The following CDH1 variants were observed in gnomAD, a reference collection of about 807,000 sequenced individuals.
CDH1 encodes the protein cadherin 1.
Under a neutral mutation model 84.5 loss-of-function variants are expected in CDH1, and 35 were observed. The ratio of observed to expected loss-of-function variants is 0.41; its 90% CI spans 0.32 to 0.55. CDH1 has a LOEUF of 0.55. Ranked by LOEUF, CDH1 falls within the 20% of genes least tolerant of loss-of-function variation. The pLI, the probability that CDH1 is intolerant of heterozygous loss-of-function variation, is 0.19. For missense variants in CDH1, 994 were observed against 1,126.6 expected (o/e 0.88, Z 1.68); for synonymous variants, 417 against 439.0 (o/e 0.95, Z 0.63).
chr16:68,803,636 T>G (rs577049774), intron 3 of CDH1, among the ~76,000 whole-genome samples: 1 of 152,232 alleles, frequency 6.6e-6, no homozygotes, highest in South Asian at 2.1e-4. Context: ...CCTCAAGTGA[T>G]CTGCCCACCT....
At chr16:68,740,963 A>C (rs1360744331) in intron 2 of CDH1, among the ~76,000 whole-genome samples, 1 of 151,966 alleles carries the variant, frequency 6.6e-6, no homozygotes, top group Non-Finnish European at 1.5e-5. Context: ...AAACAAAGAA[A>C]AAAGGTGTTT....
At chr16:68,807,269 A>C (rs991188678) in intron 3 of CDH1, among the ~76,000 whole-genome samples, 17 of 152,198 alleles carry the variant, frequency 1.1e-4, no homozygotes, top group African/African-American at 4.1e-4. Flanking sequence ...ATAATGATAC[A>C]GTGAGATGAA....
chr16:68,737,839 CG>C (rs1177254859), intron 1 of CDH1, among the ~76,000 whole-genome samples: 3 of 151,950 alleles, frequency 2.0e-5, no homozygotes, highest in Non-Finnish European at 2.9e-5. Context: ...GGACGATCTT[CG>C]AGGGAAGGAG....
chr16:68,804,270 C>G (rs574263238), intron 3 of CDH1, among the ~76,000 whole-genome samples: 1 of 151,844 alleles, frequency 6.6e-6, no homozygotes, highest in Admixed American at 6.6e-5. Context: ...TCCGCCACCA[C>G]GCCTGGCTTA....
chr16:68,786,808 T>C (rs1238613413), intron 2 of CDH1, among the ~76,000 whole-genome samples: 1 of 152,232 alleles, frequency 6.6e-6, no homozygotes, highest in African/African-American at 2.4e-5. Context: ...TACAGTCATC[T>C]GCAAGCACAT....
At chr16:68,759,491 T>C (rs1390945698) in intron 2 of CDH1, among the ~76,000 whole-genome samples, 12 of 146,760 alleles carry the variant, frequency 8.2e-5, no homozygotes, top group South Asian at 2.1e-4. Context: ...TTCTTTCTTT[T>C]TTTTTTTTTT....
chr16:68,757,456 ATTC>A (rs1449886950), intron 2 of CDH1, among the ~76,000 whole-genome samples: 1 of 152,134 alleles, frequency 6.6e-6, no homozygotes, highest in Non-Finnish European at 1.5e-5. Flanking sequence ...ATGATTTTTC[ATTC>A]TTCTTTCTGC....
At chr16:68,743,357 TTC>T (rs1491049319) in intron 2 of CDH1, among the ~76,000 whole-genome samples, 6 of 11,266 alleles carry the variant, frequency 5.3e-4, no homozygotes, top group Middle Eastern at 0.031. Flanking sequence ...CTTTCTTTCT[TTC>T]TTTCTTTTCT....
At chr16:68,791,654 C>T (rs1960212130) in intron 2 of CDH1, among the ~76,000 whole-genome samples, 1 of 151,930 alleles carries the variant, frequency 6.6e-6, no homozygotes, top group South Asian at 2.1e-4. Flanking sequence ...ATTCCTGGGC[C>T]CAAGTGATCC....
At chr16:68,750,883 T>G (rs558347339) in intron 2 of CDH1, among the ~76,000 whole-genome samples, 4 of 152,164 alleles carry the variant, frequency 2.6e-5, no homozygotes, top group Admixed American at 2.6e-4. Context: ...TTTAAAATTT[T>G]CTTTGGAAAA....
intron 13 of CDH1, among the ~76,000 whole-genome samples, chr16:68,827,051 A>G (rs1222528252): frequency 1.3e-5 from 2 of 152,144 alleles, no homozygotes; most frequent in Admixed American, 1.3e-4. Flanking sequence ...TGGGTGGATC[A>G]CTTGAGGTCA....
chr16:68,797,412 G>C (rs946522394), intron 2 of CDH1, among the ~76,000 whole-genome samples: 2 of 151,856 alleles, frequency 1.3e-5, no homozygotes, highest in Non-Finnish European at 2.9e-5. Context: ...GCTGGGCTCA[G>C]TCATTCACTT....
At chr16:68,810,375 AAG>A (rs779510276) in intron 6 of CDH1, 34 bp downstream of exon 6, 3 of 1,605,360 alleles carry the variant, frequency 1.9e-6, no homozygotes, top group Non-Finnish European at 2.6e-6. Context: ...AATACTCAGA[AAG>A]ACTCTTAGGT....
chr16:68,812,367 A>G, intron 8 of CDH1, 104 bp downstream of exon 8: 1 of 1,229,112 alleles, frequency 8.1e-7, no homozygotes, highest in Non-Finnish European at 1.2e-6. Context: ...AACTCTCTCC[A>G]GACTAGAGAA....
At chr16:68,797,107 C>T (rs1238618396) in intron 2 of CDH1, among the ~76,000 whole-genome samples, 2 of 151,920 alleles carry the variant, frequency 1.3e-5, no homozygotes, top group Non-Finnish European at 2.9e-5. Flanking sequence ...ATAAAATAGG[C>T]CAAGCATGAT....
intron 14 of CDH1, 113 bp from the exon 15 acceptor site, chr16:68,829,541 A>T: frequency 9.7e-7 from 1 of 1,034,574 alleles, no homozygotes; most frequent in Non-Finnish European, 1.5e-6. Flanking sequence ...TAAAGATCAT[A>T]CAGTTGGCAG....
intron 2 of CDH1, among the ~76,000 whole-genome samples, chr16:68,743,814 A>G (rs1555510298): frequency 1.3e-5 from 2 of 152,220 alleles, no homozygotes; most frequent in Non-Finnish European, 2.9e-5. Flanking sequence ...GCCACTAGCT[A>G]TTTGACTTTG....
chr16:68,762,898 G>GCAAGATT (rs1262492321), intron 2 of CDH1, among the ~76,000 whole-genome samples: 11 of 101,876 alleles, frequency 1.1e-4, no homozygotes, highest in African/African-American at 4.4e-4. Context: ...CGGCAACAGA[G>GCAAGATT]CAAGATTCCG....
intron 10 of CDH1, among the ~76,000 whole-genome samples, chr16:68,817,599 A>G (rs1400429918): frequency 6.6e-6 from 1 of 152,142 alleles, no homozygotes; most frequent in African/African-American, 2.4e-5. Flanking sequence ...ACAGACAGAC[A>G]TCATGTGCCT....
Sources: allele counts gnomAD v4.1 joint callset (sites outside exome capture counted in the v4.1 genomes callset), GRCh38; gene constraint gnomAD v4.1.1; transcripts MANE v1.5; gene names NCBI Gene and HGNC (gene_info 2026-07-23, HGNC 2026-07-21).